TNS3: variants seen among roughly 807,000 people sequenced by gnomAD.
TNS3 encodes the protein tensin 3.
In TNS3, 45 loss-of-function variants were observed where a neutral mutation model predicts 140.9. The observed-to-expected ratio is 0.32, with a 90% CI of 0.25 to 0.41. The LOEUF (loss-of-function observed/expected upper bound fraction) is 0.41, where lower values mean the gene tolerates loss of function less well. Among genes scored for constraint, TNS3 ranks in the 10% least tolerant of loss-of-function variants. The probability of loss-of-function intolerance (pLI) is 1.00; values close to 1 mark genes in which losing one functional copy is unlikely to be tolerated. For missense variants in TNS3, 1,716 were observed against 1,906.7 expected, an observed-to-expected ratio of 0.90 and a Z score of 1.86; for synonymous variants, 815 against 788.4, an observed-to-expected ratio of 1.03 and a Z score of -0.56.
rs183125886 is a variant in TNS3 at position 47,409,656 on chromosome 7, A to G, written c.723+2071T>C. Among the ~76,000 whole-genome samples the G allele has an allele frequency of 1.4e-3, 207 of 150,132 alleles. 1 individual carries two copies. The highest frequency in any genetic ancestry group is 0.01 in the Middle Eastern group (3 of 294). On this transcript the variant is annotated intron_variant, in intron 13 of 30. Transcript: ENST00000311160. The stretch of plus-strand genomic sequence containing the variant: ...CATCGCCCCCAGCCTCTCTTGGCCT[A>G]TTCTTTTTTTTTTACCTCTGAGACG...
intron 20 of TNS3, among the ~76,000 whole-genome samples, chr7:47,334,006 G>C (rs765786659): frequency 6.6e-6 from 1 of 152,156 alleles, no homozygotes. Flanking sequence ...GCTACAGAGG[G>C]TAAGGACCAG....
At chr7:47,338,118 A>G (rs1210095540) in intron 20 of TNS3, among the ~76,000 whole-genome samples, 1 of 152,210 alleles carries the variant, frequency 6.6e-6, no homozygotes, top group Non-Finnish European at 1.5e-5. Context: ...GGCCTGTTGA[A>G]GGACATCTAC....
At chr7:47,449,255 C>T (rs1410874848) in intron 4 of TNS3, among the ~76,000 whole-genome samples, 2 of 152,340 alleles carry the variant, frequency 1.3e-5, no homozygotes, top group Non-Finnish European at 1.5e-5. Context: ...GCAATTAATG[C>T]TAGTGCGGCA....
chr7:47,299,023 G>A (rs1443266373), intron 23 of TNS3, among the ~76,000 whole-genome samples: 3 of 152,252 alleles, frequency 2.0e-5, no homozygotes, highest in Admixed American at 1.3e-4. Context: ...TGGGTGGGGG[G>A]CCTCCTGGGG....
At position 47,275,566 on chromosome 7, in the gene TNS3, C is replaced by T. The variant is rs115723912; in HGVS notation, c.*2510G>A. 1,165 of 327,084 alleles carry T rather than the reference C, an allele frequency of 3.6e-3. 10 individuals are homozygous for T. Among genetic ancestry groups the T allele is most frequent in the African/African-American group, 0.023 (1,073 of 46,028 alleles). The allele number at this position is 327,084 out of a possible 1,614,324, so 20.3% of individuals were successfully genotyped here. On this transcript the variant is annotated 3_prime_UTR_variant, in exon 31 of 31. Coordinates refer to ENST00000311160, the MANE Select transcript of TNS3 (RefSeq NM_022748.12). The stretch of plus-strand genomic sequence containing the variant: ...CCTGTGGCCCTAGAGCCGGTGTCCA[C>T]GGTGGGGGCTCTCTCACGGTTTCTG...
rs114065006 is a variant in TNS3, at chr7:47,485,210, C to G, written c.-114-4069G>C. ...GCTGCAGGGGCGTGAAAGGATGAGA[C>G]AAGAACCAGGCAGCGTTCCCTGTGT... is the stretch of plus-strand genomic sequence containing the variant. On this transcript the variant is annotated intron_variant, in intron 3 of 30. Coordinates refer to ENST00000311160, the MANE Select transcript of TNS3 (RefSeq NM_022748.12). Among the ~76,000 whole-genome samples the G allele has an allele frequency of 7.4e-3, 1,122 of 152,314 alleles. 12 individuals are homozygous for G. The highest frequency in any genetic ancestry group is 0.025 in the African/African-American group (1,057 of 41,568).
At chr7:47,311,623 A>G (rs553931426) in intron 20 of TNS3, among the ~76,000 whole-genome samples, 2 of 152,232 alleles carry the variant, frequency 1.3e-5, no homozygotes, top group Non-Finnish European at 2.9e-5. Context: ...TCTGAAGCAT[A>G]AAGAGGAACA....
At chr7:47,552,554 C>A (rs1384912160) in intron 1 of TNS3, among the ~76,000 whole-genome samples, 2 of 152,140 alleles carry the variant, frequency 1.3e-5, no homozygotes, top group East Asian at 1.9e-4. Flanking sequence ...ATTATTATAT[C>A]TTTCATGGTT....
chr7:47,383,391 G>A (rs985365368), intron 16 of TNS3, among the ~76,000 whole-genome samples: 1 of 152,184 alleles, frequency 6.6e-6, no homozygotes, highest in Non-Finnish European at 1.5e-5. Context: ...GCTGAGGAAA[G>A]GAGGAACTGG....
At position 47,303,481 on chromosome 7, in the gene TNS3, A is replaced by G. The variant is rs61731305; in HGVS notation, c.2926T>C (p.Ser976Pro). The G allele has an allele frequency of 1.8e-3, 2,948 of 1,611,356 alleles. 44 individuals are homozygous for G. In the African/African-American group the frequency reaches 0.034, roughly 18 times the overall value. ...PTGSPLSAEF[S>P]GTRKDSPVLS... is the part of the protein sequence containing the mutation. Reference sequence around the variant, plus strand: ...ACTGGGGAGTCCTTCCTGGTACCGGAGAACTCAGCGCTGAGGGGACTTCCG... The same window carrying G: ...ACTGGGGAGTCCTTCCTGGTACCGGGGAACTCAGCGCTGAGGGGACTTCCG... The change falls in exon 22 of 31, where the codon TCC becomes CCC. Residue 976 changes from serine to proline, a missense_variant. Around this residue, in one of 3 missense-constraint regions of TNS3, gnomAD observed 1,163 missense variants for 1,182.1 expected, o/e 0.98. Transcript: ENST00000311160.
At chr7:47,483,912 C>A (rs530898658) in intron 3 of TNS3, among the ~76,000 whole-genome samples, 3 of 152,262 alleles carry the variant, frequency 2.0e-5, no homozygotes, top group African/African-American at 4.8e-5. Flanking sequence ...CAGGACTTCA[C>A]TTGGAAATGA....
chr7:47,277,729 A>C lies in TNS3; in HGVS notation c.*347T>G. ...GGCTGGGGATTCCTCATCCCCCGGA[A>C]TGCTAGTGTGCCAGGGACATGGGGA... On this transcript the variant is annotated 3_prime_UTR_variant, in exon 31 of 31. Coordinates refer to ENST00000311160, the MANE Select transcript of TNS3 (RefSeq NM_022748.12). The C allele has an allele frequency of 5.8e-6, 2 of 347,082 alleles. No individual in the cohort carries two copies. The highest frequency in any genetic ancestry group is 5.5e-6 in the Non-Finnish European group (1 of 181,094). The allele number at this position is 347,082 out of a possible 1,614,324, so 21.5% of individuals were successfully genotyped here. A position where few individuals can be genotyped will look rare whatever the true frequency, so the allele number is the denominator to read the frequency against.
chr7:47,393,276 T>A (rs190768183), intron 16 of TNS3, among the ~76,000 whole-genome samples: 1 of 152,146 alleles, frequency 6.6e-6, no homozygotes, highest in Non-Finnish European at 1.5e-5. Context: ...CTTAAATGTA[T>A]GTAAAAGAAA....
At chr7:47,535,283 G>C (rs1407441167) in intron 1 of TNS3, among the ~76,000 whole-genome samples, 4 of 152,238 alleles carry the variant, frequency 2.6e-5, no homozygotes, top group African/African-American at 9.6e-5. Flanking sequence ...TCCAACCAGG[G>C]AGAAAGAGGC....
intron 4 of TNS3, among the ~76,000 whole-genome samples, chr7:47,447,778 C>G (rs548039161): frequency 6.6e-6 from 1 of 152,322 alleles, no homozygotes; most frequent in East Asian, 1.9e-4. Flanking sequence ...GCGCCCCACC[C>G]CACCACGCGC....
In TNS3 at chr7:47,368,401, T is replaced by C; in HGVS notation, c.2245A>G (p.Thr749Ala). 1 of 1,514,706 alleles carries C rather than the reference T, an allele frequency of 6.6e-7. No homozygotes were observed. Among genetic ancestry groups the C allele is most frequent in the Non-Finnish European group, 8.9e-7 (1 of 1,128,810 alleles). 93.8% of individuals were successfully genotyped at this position (1,514,706 alleles called of 1,614,324 possible). A position where few individuals can be genotyped will look rare whatever the true frequency, so the allele number is the denominator to read the frequency against. Residue 749 changes from threonine (T) to alanine (A), a missense_variant, in exon 17 of 31, where the codon ACA (threonine) becomes GCA (alanine). Thr to Ala is a moderately conservative substitution (Grantham distance 58). Around this residue, in one of 3 missense-constraint regions of TNS3, gnomAD observed 1,163 missense variants for 1,182.1 expected, o/e 0.98. Transcript: ENST00000311160. The stretch of plus-strand genomic sequence containing the variant: ...GTGGCCCTGCTGGGGCCCTCTCCTG[T>C]GTCAGGCAGCCTGCTGCTTGCCCGG... ...GLRASSRLPD[T>A]GEGPSRATGR...
intron 20 of TNS3, among the ~76,000 whole-genome samples, chr7:47,337,098 A>G (rs1401925478): frequency 6.6e-6 from 1 of 152,138 alleles, no homozygotes; most frequent in African/African-American, 2.4e-5. Flanking sequence ...CTGTAGCAGA[A>G]ACCGTGTTAG....
intron 1 of TNS3, among the ~76,000 whole-genome samples, chr7:47,546,869 C>T (rs1015973205): frequency 4.9e-4 from 74 of 152,192 alleles, no homozygotes; most frequent in Non-Finnish European, 1.5e-4. Flanking sequence ...TGGTAAGACA[C>T]GGCTGTGCTC....
intron 13 of TNS3, among the ~76,000 whole-genome samples, chr7:47,402,686 C>T (rs1483847844): frequency 6.6e-6 from 1 of 152,122 alleles, no homozygotes; most frequent in Non-Finnish European, 1.5e-5. Context: ...CACACATGCA[C>T]CCCCATTGAT....
Sources: allele counts gnomAD v4.1 joint callset (sites outside exome capture counted in the v4.1 genomes callset), GRCh38; gene constraint gnomAD v4.1.1; regional missense constraint gnomAD v4.1.1; transcripts MANE v1.5; gene names NCBI Gene and HGNC (gene_info 2026-07-23, HGNC 2026-07-21).